Variants in ARAP2 observed in about 807,000 individuals in gnomAD.
The protein encoded by ARAP2 is ArfGAP with RhoGAP domain, ankyrin repeat and PH domain 2, also known as arf-GAP with Rho-GAP domain, ANK repeat and PH domain-containing protein 2.
ARAP2 carries 148 observed loss-of-function variants against 194.5 expected under a neutral mutation model. The ratio of observed to expected loss-of-function variants is 0.76; its 90% confidence interval spans 0.67 to 0.87. ARAP2 has a LOEUF of 0.87. Ranked by LOEUF, ARAP2 falls within the 40% of genes least tolerant of loss-of-function variation. ARAP2 has a pLI of 0.00. For synonymous variants in ARAP2, 695 were observed against 683.5 expected (o/e 1.02, Z -0.26); for missense variants, 2,128 against 1,989.7 (o/e 1.07, Z -1.32).
At chr4:36,060,634 TG>T (rs1724274189) in intron 1 of ARAP2, among the ~76,000 whole-genome samples, 3 of 152,114 alleles carry the variant, frequency 2.0e-5, no homozygotes, top group African/African-American at 7.2e-5. Flanking sequence ...ACAAAACGCC[TG>T]GGTGGCTTAA....
chr4:36,140,320 A>G (rs1294240661), intron 19 of ARAP2, among the ~76,000 whole-genome samples: 1 of 151,674 alleles, frequency 6.6e-6, no homozygotes, highest in African/African-American at 2.4e-5. Flanking sequence ...ACGTTTTAAA[A>G]TCTACCTTTT....
intron 27 of ARAP2, among the ~76,000 whole-genome samples, chr4:36,096,114 A>T (rs1715111711): frequency 6.6e-6 from 1 of 152,136 alleles, no homozygotes; most frequent in Admixed American, 6.6e-5. Flanking sequence ...CTGTAATCCC[A>T]GCACTTTGGG....
chr4:36,047,285 C>G (rs1721988872), intron 3 of ARAP2: 1 of 152,312 alleles, frequency 6.6e-6, no homozygotes, highest in African/African-American at 2.4e-5. Context: ...CACCAGGGGA[C>G]AAAGTTATCT....
At chr4:36,124,415 G>C (rs1255176148) in intron 22 of ARAP2, among the ~76,000 whole-genome samples, 1 of 151,756 alleles carries the variant, frequency 6.6e-6, no homozygotes, top group Non-Finnish European at 1.5e-5. Context: ...CTTCCCAAAT[G>C]CAAGGAGACC....
intron 1 of ARAP2, among the ~76,000 whole-genome samples, chr4:36,236,521 A>G (rs1752488657): frequency 6.6e-6 from 1 of 152,248 alleles, no homozygotes; most frequent in African/African-American, 2.4e-5. Flanking sequence ...ATCCTTAGCA[A>G]AGTTAGAAAC....
rs985015072 is a variant in ARAP2 at position 36,140,139 on chromosome 4, T to C, written c.3264-6750A>G. Among the ~76,000 whole-genome samples the C allele has an allele frequency of 4.5e-3, 631 of 140,474 alleles. 4 individuals are homozygous for C. The highest frequency in any genetic ancestry group is 0.015 in the African/African-American group (584 of 38,540). The allele number at this position is 140,474 out of a possible 152,430, so 92.2% of individuals were successfully genotyped here. ...TCTTTAAAAAACAAAACAAAAACAA[T>C]ACACACACACACACACACACACACA... is the stretch of plus-strand genomic sequence containing the variant. On this transcript the variant is annotated intron_variant, in intron 19 of 32. Transcript: ENST00000303965.
chr4:36,053,975 A>AT (rs1560328591), intron 2 of ARAP2, among the ~76,000 whole-genome samples: 1 of 152,242 alleles, frequency 6.6e-6, no homozygotes. Flanking sequence ...GAACAAGAGA[A>AT]TGAATGCAAA....
intron 15 of ARAP2, 127 bp from the exon 16 acceptor site, chr4:36,151,171 A>G: frequency 1.2e-6 from 1 of 853,998 alleles, no homozygotes; most frequent in Non-Finnish European, 1.7e-6. Flanking sequence ...TATTTCACAT[A>G]AAGTATATGT....
chr4:36,103,994 T>G (rs951032872), intron 27 of ARAP2, among the ~76,000 whole-genome samples: 17 of 151,822 alleles, frequency 1.1e-4, no homozygotes, highest in African/African-American at 3.9e-4. Context: ...GGAAAAAAAC[T>G]CCTAAAACGA....
chr4:36,199,444 A>G (rs992148999), intron 6 of ARAP2, among the ~76,000 whole-genome samples: 1 of 152,112 alleles, frequency 6.6e-6, no homozygotes, highest in Non-Finnish European at 1.5e-5. Context: ...GGCACATGCC[A>G]CCATATCCAG....
rs752642387 is a variant in ARAP2 at position 36,151,003 on chromosome 4, T to A, written c.2794A>T (p.Ser932Cys). Residue 932 changes from serine to cysteine, a missense_variant, in exon 16 of 33, where the codon AGT becomes TGT. Ser to Cys is a moderately radical substitution (Grantham distance 112). Transcript: ENST00000303965. ...GTAGACTTATCATTTTCATAGTAAC[T>A]CAAGAAGCCTCCTTCCAAAACACAC... The part of the protein sequence containing the change: ...KWCVLEGGFL[S>C]YYENDKSTTP... The A allele has an allele frequency of 7.5e-6, 12 of 1,610,690 alleles. No individual in the cohort carries two copies. In the South Asian group the frequency reaches 1.3e-4, roughly 18 times the overall value.
intron 7 of ARAP2, among the ~76,000 whole-genome samples, chr4:36,189,277 TAAC>T (rs1741325506): frequency 2.0e-5 from 3 of 152,182 alleles, no homozygotes; most frequent in African/African-American, 7.2e-5. Flanking sequence ...TAACACATAA[TAAC>T]TGTTCGTATT....
chr4:36,124,313 A>G (rs73225582), intron 22 of ARAP2, among the ~76,000 whole-genome samples: 2 of 150,088 alleles, frequency 1.3e-5, no homozygotes, highest in Non-Finnish European at 3.0e-5. Context: ...GCTAAGATTT[A>G]AAAAAAAAAC....
At chr4:36,102,549 A>C (rs1717244063) in intron 27 of ARAP2, among the ~76,000 whole-genome samples, 2 of 152,154 alleles carry the variant, frequency 1.3e-5, no homozygotes, top group South Asian at 4.1e-4. Flanking sequence ...CATGCACAAG[A>C]AAAACTAAGA....
intron 6 of ARAP2, among the ~76,000 whole-genome samples, chr4:36,205,105 TAC>T (rs1745270632): frequency 6.6e-6 from 1 of 150,660 alleles, no homozygotes; most frequent in Non-Finnish European, 1.5e-5. Flanking sequence ...CATACTATGC[TAC>T]ATTGTTCAAA....
In ARAP2 at chr4:36,228,890, A is replaced by G. The variant is rs766156627; in HGVS notation, c.597T>C (p.Val199=). 2 of 1,614,024 alleles carry G rather than the reference A, an allele frequency of 1.2e-6. No homozygotes were observed. Among genetic ancestry groups the G allele is most frequent in the Middle Eastern group, 1.7e-4 (1 of 6,060 alleles). The change falls in exon 2 of 33, where the codon GTT becomes GTC. Residue 199 remains valine (V), a synonymous_variant. Coordinates refer to ENST00000303965, the MANE Select transcript of ARAP2 (RefSeq NM_015230.4). ...TACTGAGATTTTCTGTGATCAATTT[A>G]ACTTTTTCTGTTTGTTGTTCTTCAA... ...HTVEEQQTEK[V]KLITENLSKL... is the part of the protein sequence containing the mutation.
intron 9 of ARAP2, among the ~76,000 whole-genome samples, chr4:36,175,382 T>A (rs1427707550): frequency 6.6e-6 from 1 of 152,214 alleles, no homozygotes; most frequent in Admixed American, 6.5e-5. Context: ...GTTTTTCACA[T>A]GTGCTCTATC....
At chr4:36,044,225 A>G (rs547358924) in intron 5 of ARAP2, among the ~76,000 whole-genome samples, 1 of 152,308 alleles carries the variant, frequency 6.6e-6, no homozygotes, top group East Asian at 1.9e-4. Flanking sequence ...GAATTAGACA[A>G]TTTATTTGGC....
intron 2 of ARAP2, among the ~76,000 whole-genome samples, chr4:36,053,734 A>T (rs1723062146): frequency 6.6e-6 from 1 of 152,252 alleles, no homozygotes; most frequent in Admixed American, 6.5e-5. Context: ...GGAATTTATT[A>T]AAATGGAGGC....
Sources: allele counts gnomAD v4.1 joint callset (sites outside exome capture counted in the v4.1 genomes callset), GRCh38; gene constraint gnomAD v4.1.1; transcripts MANE v1.5; gene names NCBI Gene and HGNC (gene_info 2026-07-23, HGNC 2026-07-21).